The following SLC6A9 variants were observed in gnomAD, a reference collection of about 807,000 sequenced individuals.
SLC6A9 encodes the protein sodium- and chloride-dependent glycine transporter 1.
SLC6A9 carries 31 observed loss-of-function variants against 70.9 expected under a neutral mutation model. The observed-to-expected ratio is 0.44, with a 90% CI of 0.33 to 0.59. The LOEUF is 0.59. Among genes scored for constraint, SLC6A9 ranks in the 20% least tolerant of loss-of-function variants. The probability of loss-of-function intolerance (pLI) is 0.04; values close to 1 mark genes in which losing one functional copy is unlikely to be tolerated. For missense variants in SLC6A9, 631 were observed against 845.2 expected, an observed-to-expected ratio of 0.75 and a Z score of 3.14; for synonymous variants, 310 against 341.3, an observed-to-expected ratio of 0.91 and a Z score of 1.01.
At chr1:44,017,171 C>T (rs760804177) in intron 2 of SLC6A9, 8 of 1,600,960 alleles carry the variant, frequency 5.0e-6, no homozygotes, top group South Asian at 1.1e-5. Context: ...ACTGACGCAT[C>T]CCCTGCCTCT....
At position 44,002,617 on chromosome 1, in the gene SLC6A9, G is replaced by A. The variant is rs201597633; in HGVS notation, c.753C>T (p.Tyr251=). Residue 251 remains tyrosine (Y), a synonymous_variant, in exon 7 of 14, where the codon TAC becomes TAT. Transcript: ENST00000372310. This position sits in a 1 kb window ranked among gnomAD's most constrained non-coding sequence, Gnocchi z 5.5. ...GGACAAACAGAATGGTCAGCACCAC[G>A]TAGGGGAACGTGGCCGTGAAGTACA... The part of the protein sequence containing the change: ...KVVYFTATFP[Y]VVLTILFVRG... The A allele has an allele frequency of 5.0e-5, 81 of 1,614,002 alleles. 1 individual carries two copies. Among genetic ancestry groups the A allele is most frequent in the South Asian group, 2.9e-4 (26 of 91,088 alleles).
At chr1:44,015,940 C>A in intron 2 of SLC6A9, 1 of 909,276 alleles carries the variant, frequency 1.1e-6, no homozygotes, top group Non-Finnish European at 1.3e-6. Context: ...CATCTCTGGG[C>A]ACCTCTCAGG....
intron 1 of SLC6A9, among the ~76,000 whole-genome samples, chr1:44,026,394 C>T (rs2086983473): frequency 6.6e-6 from 1 of 152,174 alleles, no homozygotes; most frequent in African/African-American, 2.4e-5. Context: ...AGCAGTGGCT[C>T]ACGGCTGTAA....
chr1:44,006,960 T>C (rs933578940), intron 5 of SLC6A9, among the ~76,000 whole-genome samples: 3 of 152,272 alleles, frequency 2.0e-5, no homozygotes, highest in Admixed American at 2.0e-4. Context: ...TTCCATCACA[T>C]GTGGAGAAAA....
intron 2 of SLC6A9, chr1:44,011,851 G>T: frequency 1.2e-6 from 1 of 835,984 alleles, no homozygotes; most frequent in Non-Finnish European, 1.9e-6. Flanking sequence ...GGAACCCCAG[G>T]CCCAAAAGCT....
rs138865507 is a variant in SLC6A9 at position 44,031,293 on chromosome 1, C to T, written c.-86+13G>A. 1,364 of 152,458 alleles carry T rather than the reference C, an allele frequency of 8.9e-3. 11 individuals are homozygous for T. The highest frequency in any genetic ancestry group is 0.016 in the Non-Finnish European group (1,082 of 68,150). 9.4% of individuals were successfully genotyped at this position (152,458 alleles called of 1,614,324 possible). A position where few individuals can be genotyped will look rare whatever the true frequency, so the allele number is the denominator to read the frequency against. ...GGCGCGGGCCCCAGCGTCCCTTCCC[C>T]CAGCCCCCTTACCATGCTGCAGCCC... On this transcript the variant is annotated intron_variant, in intron 1 of 13. Transcript: ENST00000372310.
At chr1:44,022,914 C>T (rs1413289329) in intron 2 of SLC6A9, among the ~76,000 whole-genome samples, 2 of 151,960 alleles carry the variant, frequency 1.3e-5, no homozygotes, top group African/African-American at 4.8e-5. Flanking sequence ...CCATGTTGGT[C>T]AGGCTGGTCT....
intron 3 of SLC6A9, chr1:44,010,471 G>GGGGGGGGGGGGGC (rs55903609): frequency 4.6e-6 from 1 of 215,332 alleles, no homozygotes; most frequent in Non-Finnish European, 8.5e-6. Context: ...GGGGGGGGGG[G>GGGGGGGGGGGGGC]TTAGGTCCTT....
Position 44,002,210 on chromosome 1 carries a change from G to A in SLC6A9, c.962+103C>T, listed in dbSNP as rs2086137975. ...AGTATTCCCAGAACCTCAAGATCAT[G>A]AGGGGAAAGGAGGCCTCGTGGGCCC... On this transcript the variant is annotated intron_variant, in intron 8 of 13. Transcript: ENST00000372310. The surrounding 1 kb of genome is among the most constrained non-coding windows in gnomAD (Gnocchi z 5.5). 2.6e-6 allele frequency: 2 copies of A among 773,920 alleles called. No homozygotes were observed. The highest frequency in any genetic ancestry group is 4.6e-6 in the Non-Finnish European group (2 of 433,796). The allele number at this position is 773,920 out of a possible 1,614,324, so 47.9% of individuals were successfully genotyped here. A position where few individuals can be genotyped will look rare whatever the true frequency, so the allele number is the denominator to read the frequency against.
rs927697502 is a variant in SLC6A9, at chr1:43,996,583, G to T, written c.*962C>A. 1 of 178,086 alleles carries T rather than the reference G, an allele frequency of 5.6e-6. No homozygotes were observed. Among genetic ancestry groups the T allele is most frequent in the Non-Finnish European group, 1.2e-5 (1 of 85,168 alleles). The allele number at this position is 178,086 out of a possible 1,614,324, so 11.0% of individuals were successfully genotyped here. ...GCGGCGCACCGTTATTGCTACAGAG[G>T]ATTAGAGGTGGCTTGGCCGGGGCTG... On this transcript the variant is annotated 3_prime_UTR_variant, in exon 14 of 14. Coordinates refer to ENST00000372310, the MANE Select transcript of SLC6A9 (RefSeq NM_001024845.3).
In SLC6A9 at chr1:44,010,869, G is replaced by T; in HGVS notation, c.44C>A (p.Pro15His). Reference protein sequence around the residue: ...GAKGMLNGAVPSEATKRDQNL... With the variant: ...GAKGMLNGAVHSEATKRDQNL... ...CTGGTCCCTCTTGGTGGCCTCGCTG[G>T]GCACAGCACCATTCTGTGGGGACAG... is the stretch of plus-strand genomic sequence containing the variant. Residue 15 changes from proline to histidine, a missense_variant, in exon 3 of 14, where the codon CCC becomes CAC. Transcript: ENST00000372310. 1.9e-6 allele frequency: 3 copies of T among 1,614,204 alleles called. No homozygotes were observed. In the South Asian group the frequency reaches 3.3e-5, roughly 18 times the overall value.
chr1:44,001,152 C>T lies in SLC6A9; in HGVS notation c.1335+12G>A, dbSNP rs202016022. 98 of 1,614,104 alleles carry T rather than the reference C, an allele frequency of 6.1e-5. No homozygotes were observed. Among genetic ancestry groups the T allele is most frequent in the Non-Finnish European group, 6.9e-5 (82 of 1,180,042 alleles). On this transcript the variant is annotated intron_variant, in intron 10 of 13. Transcript: ENST00000372310. The stretch of plus-strand genomic sequence containing the variant: ...CAACTCTGGGCCAGCCCTTCCCTTA[C>T]GCAGCTCTTACCTGGCTGGTGAGGG...
In SLC6A9 at chr1:44,000,724, C is replaced by A. The variant is rs145446941; in HGVS notation, c.1536+43G>T. 10,222 of 1,323,672 alleles carry A rather than the reference C, an allele frequency of 7.7e-3. 81 individuals are homozygous for A. The highest frequency in any genetic ancestry group is 0.026 in the South Asian group (1,979 of 77,256). 82.0% of individuals were successfully genotyped at this position (1,323,672 alleles called of 1,614,324 possible). A position where few individuals can be genotyped will look rare whatever the true frequency, so the allele number is the denominator to read the frequency against. Reference sequence around the variant, plus strand: ...GGGTCCCAAGAGATGGACACATGGCCAAGGGGCAGCGGGGGAAGGGAGGGG... The same window carrying A: ...GGGTCCCAAGAGATGGACACATGGCAAAGGGGCAGCGGGGGAAGGGAGGGG... On this transcript the variant is annotated intron_variant, in intron 12 of 13. Transcript: ENST00000372310.
chr1:44,011,925 C>T (rs531215533), intron 2 of SLC6A9, among the ~76,000 whole-genome samples: 6 of 152,282 alleles, frequency 3.9e-5, no homozygotes, highest in Middle Eastern at 6.8e-3. Flanking sequence ...CTCCTTCCAC[C>T]TCCCTCCCAC....
At chr1:44,003,073 C>G (rs1189056789) in intron 5 of SLC6A9, 88 bp from the exon 6 acceptor site, 1 of 1,507,934 alleles carries the variant, frequency 6.6e-7, no homozygotes, top group African/African-American at 1.4e-5. Flanking sequence ...GGGCTGTACC[C>G]TCCTTTGTCA....
In SLC6A9 at chr1:43,997,841, G is replaced by A. The variant is rs751551582; in HGVS notation, c.1707+14C>T. 6.2e-7 allele frequency: 1 copy of A among 1,602,232 alleles called. No individual in the cohort carries two copies. Among genetic ancestry groups the A allele is most frequent in the Non-Finnish European group, 8.5e-7 (1 of 1,172,526 alleles). On this transcript the variant is annotated intron_variant, in intron 13 of 13. Transcript: ENST00000372310. This position sits in a 1 kb window ranked among gnomAD's most constrained non-coding sequence, Gnocchi z 4.4. Reference sequence around the variant, plus strand: ...CCCATTTTGCCTGGCTACCCAGCCTGTCCCTGCCCTCACCTGGAGGAGGGT... The same window carrying A: ...CCCATTTTGCCTGGCTACCCAGCCTATCCCTGCCCTCACCTGGAGGAGGGT...
intron 2 of SLC6A9, among the ~76,000 whole-genome samples, chr1:44,020,148 A>T (rs1004676375): frequency 6.6e-6 from 1 of 152,192 alleles, no homozygotes. Flanking sequence ...ATCTAAGGAG[A>T]ATGCCCACTG....
At chr1:44,009,828 G>A (rs769064656) in intron 4 of SLC6A9, 137 bp downstream of exon 4, 18 of 1,035,734 alleles carry the variant, frequency 1.7e-5, no homozygotes, top group East Asian at 5.0e-5. Context: ...GGCTTAGGCC[G>A]TTGATGTGGG....
rs201079660 is a variant in SLC6A9, at chr1:43,997,942, G to C, written c.1620C>G (p.Gly540=). The C allele has an allele frequency of 1.4e-4, 234 of 1,614,000 alleles. No individual in the cohort carries two copies. The highest frequency in any genetic ancestry group is 1.9e-4 in the Non-Finnish European group (220 of 1,179,982). ...GGACGGAGGACAGAGCCATGAGGAA[G>C]CCAATGGCCACGGCCCAGCCTGGGT... ...YQYPGWAVAI[G]FLMALSSVLC... The change falls in exon 13 of 14, where the codon GGC becomes GGG. Residue 540 remains glycine (G), a synonymous_variant. Coordinates refer to ENST00000372310, the MANE Select transcript of SLC6A9 (RefSeq NM_001024845.3). This position sits in a 1 kb window ranked among gnomAD's most constrained non-coding sequence, Gnocchi z 4.4.
Sources: allele counts gnomAD v4.1 joint callset (sites outside exome capture counted in the v4.1 genomes callset), GRCh38; gene constraint gnomAD v4.1.1; non-coding constraint Gnocchi (gnomAD v3.1); transcripts MANE v1.5; gene names NCBI Gene and HGNC (gene_info 2026-07-23, HGNC 2026-07-21).